The following INPP4B variants were observed in gnomAD, a reference collection of about 807,000 sequenced individuals.
INPP4B encodes inositol polyphosphate 4-phosphatase type II.
INPP4B carries 55 observed loss-of-function variants against 122.5 expected under a neutral mutation model. The ratio of observed to expected loss-of-function variants is 0.45; its 90% CI spans 0.36 to 0.56. The LOEUF (loss-of-function observed/expected upper bound fraction) is 0.56. Ranked by LOEUF, INPP4B falls within the 20% of genes least tolerant of loss-of-function variation. The probability of loss-of-function intolerance (pLI) is 0.00; values close to 1 mark genes in which losing one functional copy is unlikely to be tolerated. For synonymous variants in INPP4B, 403 were observed against 388.7 expected, an observed-to-expected ratio of 1.04 and a Z score of -0.43; for missense variants, 1,000 against 1,097.7, an observed-to-expected ratio of 0.91 and a Z score of 1.26.
intron 14 of INPP4B, among the ~76,000 whole-genome samples, chr4:142,196,825 A>T (rs1255872819): frequency 6.6e-6 from 1 of 152,088 alleles, no homozygotes; most frequent in Non-Finnish European, 1.5e-5. Flanking sequence ...CCTTGGTCAC[A>T]TCATCCAGTG....
At chr4:142,260,192 G>A (rs1256528099) in intron 11 of INPP4B, among the ~76,000 whole-genome samples, 1 of 152,132 alleles carries the variant, frequency 6.6e-6, no homozygotes, top group Non-Finnish European at 1.5e-5. Flanking sequence ...CACCATGTCA[G>A]CCAGGATGGT....
intron 2 of INPP4B, among the ~76,000 whole-genome samples, chr4:142,553,076 T>A (rs1330369971): frequency 6.6e-6 from 1 of 152,190 alleles, no homozygotes; most frequent in Non-Finnish European, 1.5e-5. Context: ...CCTTGGTTTT[T>A]AAGGTTTGAA....
At chr4:142,644,315 G>A (rs993101059) in intron 2 of INPP4B, among the ~76,000 whole-genome samples, 3 of 151,616 alleles carry the variant, frequency 2.0e-5, no homozygotes, top group African/African-American at 4.8e-5. Context: ...GAAGGAGGAG[G>A]AGGAGGAGGG....
intron 20 of INPP4B, among the ~76,000 whole-genome samples, chr4:142,122,943 C>A (rs961963527): frequency 7.9e-5 from 12 of 151,654 alleles, no homozygotes; most frequent in Admixed American, 5.9e-4. Context: ...TTCAATTACC[C>A]AAAAGTCACA....
chr4:142,651,636 TC>T (rs1334749876), intron 2 of INPP4B, among the ~76,000 whole-genome samples: 8 of 152,174 alleles, frequency 5.3e-5, no homozygotes, highest in African/African-American at 1.7e-4. Flanking sequence ...ATGGATAAGT[TC>T]CTGGACACAT....
chr4:142,086,697 G>T (rs918895496), intron 23 of INPP4B, among the ~76,000 whole-genome samples: 1 of 152,036 alleles, frequency 6.6e-6, no homozygotes, highest in Non-Finnish European at 1.5e-5. Flanking sequence ...TGAAGCTAAG[G>T]GTGTCTGAGG....
chr4:142,117,140 T>C (rs540304560), intron 21 of INPP4B, among the ~76,000 whole-genome samples: 42 of 152,058 alleles, frequency 2.8e-4, no homozygotes, highest in Admixed American at 1.3e-3. Context: ...AATAGACCAA[T>C]GACAGGCTCT....
intron 9 of INPP4B, among the ~76,000 whole-genome samples, chr4:142,292,365 A>C (rs1341149971): frequency 6.6e-6 from 1 of 152,326 alleles, no homozygotes; most frequent in South Asian, 2.1e-4. Context: ...TCATAGAAGC[A>C]ATTCATTTTT....
At chr4:142,188,812 T>C (rs1834424657) in intron 15 of INPP4B, among the ~76,000 whole-genome samples, 1 of 152,148 alleles carries the variant, frequency 6.6e-6, no homozygotes, top group Non-Finnish European at 1.5e-5. Context: ...AAAACAAATA[T>C]TTTTGTAACT....
intron 2 of INPP4B, among the ~76,000 whole-genome samples, chr4:142,522,707 G>C (rs75725356): frequency 0.022 from 3,406 of 152,066 alleles, 55 homozygotes; most frequent in Non-Finnish European, 0.039. Context: ...TCTGAATATA[G>C]GTTGGACACA....
intron 18 of INPP4B, among the ~76,000 whole-genome samples, chr4:142,145,445 G>T (rs572472575): frequency 6.6e-6 from 1 of 152,128 alleles, no homozygotes; most frequent in African/African-American, 2.4e-5. Context: ...ATTACATTCT[G>T]TTAAGAAACC....
At chr4:142,418,281 A>G (rs1806177280) in intron 5 of INPP4B, among the ~76,000 whole-genome samples, 1 of 152,170 alleles carries the variant, frequency 6.6e-6, no homozygotes, top group Non-Finnish European at 1.5e-5. Flanking sequence ...GGCAATAATT[A>G]TGAAACATTT....
chr4:142,288,454 G>A (rs186560004), intron 9 of INPP4B, among the ~76,000 whole-genome samples: 1,709 of 152,224 alleles, frequency 0.011, 16 homozygotes, highest in Non-Finnish European at 0.017. Context: ...CGTGGTGTCA[G>A]GTGCCTGTAG....
rs149056987 is a variant in INPP4B, at chr4:142,300,600, T to C, written c.503+4858A>G. Among the ~76,000 whole-genome samples the C allele has an allele frequency of 5.7e-3, 869 of 152,276 alleles. 10 individuals carry two copies. Among genetic ancestry groups the C allele is most frequent in the African/African-American group, 0.02 (829 of 41,568 alleles). On this transcript the variant is annotated intron_variant, in intron 9 of 25. Transcript: ENST00000262992. ...GCAAAATGTTCTAAAATGATATAGATTCCCAAACACATAGTCATCCACATA... is the reference window on the plus strand; with the variant it reads ...GCAAAATGTTCTAAAATGATATAGACTCCCAAACACATAGTCATCCACATA...
Position 142,830,147 on chromosome 4 carries a change from A to G in INPP4B, c.-254+16062T>C, listed in dbSNP as rs902696698. On this transcript the variant is annotated intron_variant, in intron 1 of 25. Transcript: ENST00000262992. ...GTCTACCCAAACTGATCTAATGGTT[A>G]TAGATACATGTATCTACACATATAT... Among the ~76,000 whole-genome samples the G allele has an allele frequency of 9.8e-5, 15 of 152,310 alleles. No homozygotes were observed. In the East Asian group the frequency reaches 2.9e-3, roughly 29 times the overall value.
chr4:142,727,259 C>A (rs11100756), intron 1 of INPP4B, among the ~76,000 whole-genome samples: 3 of 152,112 alleles, frequency 2.0e-5, no homozygotes, highest in African/African-American at 4.8e-5. Context: ...AGAACTTTAG[C>A]TTGAAGAAGG....
intron 18 of INPP4B, among the ~76,000 whole-genome samples, chr4:142,136,898 T>C (rs985496935): frequency 2.0e-5 from 3 of 152,108 alleles, no homozygotes; most frequent in African/African-American, 7.2e-5. Context: ...TACAAAGAAA[T>C]GGAAGAACAT....
At chr4:142,611,470 A>G (rs1049729558) in intron 2 of INPP4B, among the ~76,000 whole-genome samples, 2 of 152,102 alleles carry the variant, frequency 1.3e-5, no homozygotes, top group Admixed American at 1.3e-4. Flanking sequence ...TGGTAAGTAT[A>G]TAACATACTC....
At chr4:142,806,840 AAAGAAAGAAAGG>A (rs1778916311) in intron 1 of INPP4B, among the ~76,000 whole-genome samples, 2 of 150,694 alleles carry the variant, frequency 1.3e-5, no homozygotes, top group Non-Finnish European at 3.0e-5. Flanking sequence ...AGAAAGAAAG[AAAGAAAGAAAGG>A]AGAAGAAAAA....
Sources: allele counts gnomAD v4.1 joint callset (sites outside exome capture counted in the v4.1 genomes callset), GRCh38; gene constraint gnomAD v4.1.1; transcripts MANE v1.5; gene names NCBI Gene and HGNC (gene_info 2026-07-23, HGNC 2026-07-21).